Variants in KIAA0586 observed in about 807,000 individuals in gnomAD.
KIAA0586 encodes protein TALPID3.
In KIAA0586, 144 loss-of-function variants were observed where a neutral mutation model predicts 169.8. That is an observed-to-expected ratio of 0.85 (90% CI 0.74 to 0.97). The LOEUF is 0.97. Ranked by LOEUF, KIAA0586 falls within the 50% of genes least tolerant of loss-of-function variation. The probability of loss-of-function intolerance (pLI) is 0.00; values close to 1 mark genes in which losing one functional copy is unlikely to be tolerated. For missense variants in KIAA0586, 1,854 were observed against 1,823.0 expected, an observed-to-expected ratio of 1.02 and a Z score of -0.31; for synonymous variants, 625 against 612.4, an observed-to-expected ratio of 1.02 and a Z score of -0.30.
intron 4 of KIAA0586, among the ~76,000 whole-genome samples, chr14:58,434,909 C>T (rs534612671): frequency 5.3e-5 from 8 of 152,070 alleles, no homozygotes; most frequent in South Asian, 2.1e-4. Flanking sequence ...ACCGCCCCCC[C>T]GCCAGAGTAG....
At chr14:58,547,713 G>T (rs1458398928) in intron 30 of KIAA0586, 68 bp from the exon 31 acceptor site, 60 of 1,271,974 alleles carry the variant, frequency 4.7e-5, no homozygotes, top group Admixed American at 1.6e-4. Context: ...ATATTATTTC[G>T]CAAAGCATAA....
intron 6 of KIAA0586, among the ~76,000 whole-genome samples, 153 bp from the exon 7 acceptor site, chr14:58,448,187 T>A (rs1270579857): frequency 6.6e-6 from 1 of 152,280 alleles, no homozygotes; most frequent in African/African-American, 2.4e-5. Flanking sequence ...TCACTGCTGC[T>A]ACTACAGTGG....
intron 26 of KIAA0586, among the ~76,000 whole-genome samples, chr14:58,493,207 A>G (rs151062593): frequency 1.3e-5 from 2 of 152,298 alleles, no homozygotes; most frequent in East Asian, 3.9e-4. Flanking sequence ...GTAATTGGTC[A>G]TTGGTTGAGA....
At chr14:58,501,378 A>G (rs1329438331) in intron 27 of KIAA0586, among the ~76,000 whole-genome samples, 2 of 152,232 alleles carry the variant, frequency 1.3e-5, no homozygotes, top group Non-Finnish European at 2.9e-5. Context: ...ATGTCCAGCT[A>G]AATTTGCAGA....
chr14:58,495,276 A>ATG (rs754704939), intron 26 of KIAA0586, among the ~76,000 whole-genome samples: 172 of 150,170 alleles, frequency 1.1e-3, no homozygotes, highest in African/African-American at 2.4e-3. Flanking sequence ...ATATGTGTGT[A>ATG]TGTGTGTGTG....
intron 19 of KIAA0586, among the ~76,000 whole-genome samples, chr14:58,475,726 A>G (rs1465348040): frequency 6.6e-6 from 1 of 152,210 alleles, no homozygotes; most frequent in Non-Finnish European, 1.5e-5. Flanking sequence ...TTAATGATAT[A>G]AAAAGATATT....
chr14:58,531,998 C>A (rs905284822), intron 29 of KIAA0586, among the ~76,000 whole-genome samples: 4 of 151,668 alleles, frequency 2.6e-5, no homozygotes, highest in African/African-American at 9.7e-5. Flanking sequence ...GAACACTTGG[C>A]CACAGGGAAG....
At chr14:58,443,715 G>T (rs556499154) in intron 5 of KIAA0586, among the ~76,000 whole-genome samples, 1 of 152,052 alleles carries the variant, frequency 6.6e-6, no homozygotes, top group African/African-American at 2.4e-5. Context: ...GAGCCACCGC[G>T]CCTGGCCAAT....
At chr14:58,556,538 G>A in the KIAA0586 span, among the ~76,000 whole-genome samples, 1 of 152,156 alleles carries the variant, frequency 6.6e-6, no homozygotes, top group Non-Finnish European at 1.5e-5. Flanking sequence ...TAGCAACCCA[G>A]AAGGTTCCCT....
intron 30 of KIAA0586, among the ~76,000 whole-genome samples, chr14:58,545,068 C>T (rs1595558117): frequency 6.6e-6 from 1 of 152,196 alleles, no homozygotes; most frequent in Non-Finnish European, 1.5e-5. Context: ...CTGTCTTCTT[C>T]ATCTGCATAT....
chr14:58,465,241 A>C (rs563470177), intron 14 of KIAA0586, among the ~76,000 whole-genome samples: 22 of 152,246 alleles, frequency 1.4e-4, no homozygotes, highest in Non-Finnish European at 2.5e-4. Flanking sequence ...AAGTAAGTAT[A>C]GAATTTGATT....
chr14:58,480,785 G>T (rs2041980964), intron 20 of KIAA0586, among the ~76,000 whole-genome samples: 1 of 152,146 alleles, frequency 6.6e-6, no homozygotes. Context: ...TAGCTCACAT[G>T]CCTCCTTCTG....
rs922915999 is a variant in KIAA0586 at position 58,456,996 on chromosome 14, G to A, written c.1362+186G>A. 9.9e-5 allele frequency among the ~76,000 whole-genome samples: 15 copies of A among 152,172 alleles called. No homozygotes were observed. The South Asian group carries it at 1.5e-3, about 15-fold the overall frequency. Reference sequence around the variant, plus strand: ...CTTCACCAAGTGATTTCTACTTATCGCTCCTTGACCAGGACTGAGCCATAT... The same window carrying A: ...CTTCACCAAGTGATTTCTACTTATCACTCCTTGACCAGGACTGAGCCATAT... On this transcript the variant is annotated intron_variant, in intron 10 of 30. Coordinates refer to ENST00000652326, the MANE Select transcript of KIAA0586 (RefSeq NM_001329943.3).
At chr14:58,539,267 A>T (rs995565060) in intron 29 of KIAA0586, among the ~76,000 whole-genome samples, 1 of 149,276 alleles carries the variant, frequency 6.7e-6, no homozygotes, top group African/African-American at 2.6e-5. Flanking sequence ...TGTGAAATAA[A>T]TGAAGCTTAA....
At chr14:58,494,851 C>T (rs540846587) in intron 26 of KIAA0586, among the ~76,000 whole-genome samples, 29 of 152,082 alleles carry the variant, frequency 1.9e-4, no homozygotes, top group Non-Finnish European at 3.4e-4. Context: ...TACTCTGGGG[C>T]GCCAGCATTT....
rs957425782 is a variant in KIAA0586, at chr14:58,534,703, C to T, written c.4430-5368C>T. ...GAATTCATCTTTGTAGTCAGCAGTA[C>T]GGCCTATGACTTAGTGTAACTATTT... On this transcript the variant is annotated intron_variant, in intron 29 of 30. Transcript: ENST00000652326. 6.6e-5 allele frequency among the ~76,000 whole-genome samples: 10 copies of T among 152,232 alleles called. 1 individual carries two copies. The highest frequency in any genetic ancestry group is 6.2e-4 in the South Asian group (3 of 4,826).
rs780403471 is a variant in KIAA0586, at chr14:58,429,432, G to T, written c.269G>T (p.Ser90Ile). 1.3e-6 allele frequency: 2 copies of T among 1,562,018 alleles called. No individual in the cohort carries two copies. Among genetic ancestry groups the T allele is most frequent in the Non-Finnish European group, 1.8e-6 (2 of 1,133,142 alleles). Reference protein sequence around the residue: ...PLLENPMVSESDFSKDVAVQV... With the variant: ...PLLENPMVSEIDFSKDVAVQV... ...TTAGAAAATCCCATGGTGTCAGAAA[G>T]TGTAAGCAAAAGGATTCTTAATTAT... Residue 90 changes from serine to isoleucine, a missense_variant and splice_region_variant, in exon 2 of 31, where the codon AGT becomes ATT. Coordinates refer to ENST00000652326, the MANE Select transcript of KIAA0586 (RefSeq NM_001329943.3).
At chr14:58,484,894 A>ATATATATATTTATATATATTTTTT (rs1397286434) in intron 21 of KIAA0586, among the ~76,000 whole-genome samples, 4 of 5,834 alleles carry the variant, frequency 6.9e-4, no homozygotes, top group South Asian at 4.6e-3. Context: ...ATATATTTAT[A>ATATATATATTTATATATATTTTTT]TATATATATA....
At chr14:58,474,832 A>G in intron 19 of KIAA0586, 35 bp downstream of exon 19, 2 of 1,355,564 alleles carry the variant, frequency 1.5e-6, no homozygotes, top group Non-Finnish European at 2.0e-6. Context: ...GAATAGAACC[A>G]TAGTAGAAAA....
Sources: gnomAD v4.1 joint callset for allele counts (sites outside exome capture counted in the v4.1 genomes callset) on GRCh38, gnomAD v4.1.1 for gene constraint, MANE v1.5 for transcripts, NCBI Gene and HGNC (gene_info 2026-07-23, HGNC 2026-07-21) for gene names.